DYNC2H1: variants seen among roughly 807,000 people sequenced by gnomAD.
The protein encoded by DYNC2H1 is cytoplasmic dynein 2 heavy chain 1.
DYNC2H1 carries 410 observed loss-of-function variants against 570.0 expected under a neutral mutation model. The ratio of observed to expected loss-of-function variants is 0.72; its 90% CI spans 0.66 to 0.78. The LOEUF is 0.78. Ranked by LOEUF, DYNC2H1 falls within the 30% of genes least tolerant of loss-of-function variation. DYNC2H1 has a pLI of 0.00. For synonymous variants in DYNC2H1, 1,688 were observed against 1,677.6 expected, an observed-to-expected ratio of 1.01 and a Z score of -0.15; for missense variants, 4,865 against 5,046.4, an observed-to-expected ratio of 0.96 and a Z score of 1.09.
At chr11:103,123,784 A>G (rs1331477358) in intron 11 of DYNC2H1, among the ~76,000 whole-genome samples, 1 of 151,248 alleles carries the variant, frequency 6.6e-6, no homozygotes, top group Non-Finnish European at 1.5e-5. Context: ...TGTTCCTTCC[A>G]CACAGCGTTT....
chr11:103,303,355 T>C, intron 76 of DYNC2H1, 102 bp downstream of exon 76: 14 of 1,298,406 alleles, frequency 1.1e-5, no homozygotes, highest in South Asian at 3.3e-5. Context: ...AGCCAAATAA[T>C]GCCCCCAAAA....
chr11:103,357,351 G>T (rs117887499), intron 82 of DYNC2H1, among the ~76,000 whole-genome samples: 2 of 152,074 alleles, frequency 1.3e-5, no homozygotes, highest in African/African-American at 2.4e-5. Flanking sequence ...TGTTTGAATT[G>T]ATTGACCCAT....
intron 82 of DYNC2H1, among the ~76,000 whole-genome samples, chr11:103,333,826 CTT>C (rs1938965341): frequency 6.6e-6 from 1 of 152,058 alleles, no homozygotes; most frequent in African/African-American, 2.4e-5. Flanking sequence ...AGAAAATTAA[CTT>C]TAATGTAGAA....
At chr11:103,202,848 C>T (rs1316480409) in intron 50 of DYNC2H1, among the ~76,000 whole-genome samples, 3 of 152,114 alleles carry the variant, frequency 2.0e-5, no homozygotes, top group Admixed American at 6.5e-5. Context: ...TAGAAGTGAA[C>T]AAGATGTGCT....
chr11:103,219,067 T>G (rs1205343585), intron 55 of DYNC2H1, among the ~76,000 whole-genome samples: 1 of 152,212 alleles, frequency 6.6e-6, no homozygotes, highest in Non-Finnish European at 1.5e-5. Context: ...TTTAAGTGTT[T>G]AATATGTTTT....
At chr11:103,316,503 C>G in intron 79 of DYNC2H1, 42 bp from the exon 80 acceptor site, 2 of 1,356,202 alleles carry the variant, frequency 1.5e-6, no homozygotes, top group Non-Finnish European at 2.0e-6. Context: ...ATATCTTTGA[C>G]TACTGCTTAG....
chr11:103,163,512 A>G lies in DYNC2H1; in HGVS notation c.4611+365A>G, dbSNP rs907430991. Among the ~76,000 whole-genome samples, 4 of 152,220 alleles carry G rather than the reference A, an allele frequency of 2.6e-5. No individual in the cohort carries two copies. The highest frequency in any genetic ancestry group is 2.6e-4 in the Admixed American group (4 of 15,270). The stretch of plus-strand genomic sequence containing the variant: ...TAAGCATTGGAGCTGGCAGGAACTT[A>G]GCAGGTATTAGTGTAAATCTGAAAT... On this transcript the variant is annotated intron_variant, in intron 30 of 88. Coordinates refer to ENST00000375735, the MANE Select transcript of DYNC2H1 (RefSeq NM_001377.3). The surrounding 1 kb of genome is among the most constrained non-coding windows in gnomAD (Gnocchi z 4.6).
intron 87 of DYNC2H1, among the ~76,000 whole-genome samples, chr11:103,459,958 CAAAAAAAAAAG>C (rs1024304948): frequency 5.6e-5 from 4 of 70,858 alleles, no homozygotes; most frequent in South Asian, 5.2e-4. Context: ...GACTCCGTCT[CAAAAAAAAAAG>C]AAAAAAAAAA....
At position 103,244,698 on chromosome 11, in the gene DYNC2H1, A is replaced by G. The variant is rs919056985; in HGVS notation, c.9919-553A>G. On this transcript the variant is annotated intron_variant, in intron 64 of 88. Transcript: ENST00000375735. The surrounding 1 kb of genome is among the most constrained non-coding windows in gnomAD (Gnocchi z 4.3). ...TATATCTATGGTTATAGTTATATAC[A>G]TATATCACTATACTATATATCTTAT... Among the ~76,000 whole-genome samples, 11 of 148,208 alleles carry G rather than the reference A, an allele frequency of 7.4e-5. No homozygotes were observed. The highest frequency in any genetic ancestry group is 2.4e-4 in the African/African-American group (10 of 40,902).
Position 103,133,821 on chromosome 11 carries a change from A to G in DYNC2H1, c.2106+114A>G. The G allele has an allele frequency of 8.8e-7, 1 of 1,137,286 alleles. No homozygotes were observed. The allele number at this position is 1,137,286 out of a possible 1,614,324, so 70.4% of individuals were successfully genotyped here. Reference sequence around the variant, plus strand: ...TAATTTGAGACTTAAAGTTACAAAAATAGTACAGAGAAATCACAATTCCCA... The same window carrying G: ...TAATTTGAGACTTAAAGTTACAAAAGTAGTACAGAGAAATCACAATTCCCA... On this transcript the variant is annotated intron_variant, in intron 14 of 88. Transcript: ENST00000375735. This position sits in a 1 kb window ranked among gnomAD's most constrained non-coding sequence, Gnocchi z 4.8.
Position 103,286,280 on chromosome 11 carries a change from C to G in DYNC2H1, c.10916C>G (p.Thr3639Ser). ...LKIALPSLYQ[T>S]LCFEDAALWR... The stretch of plus-strand genomic sequence containing the variant: ...ATTGCTCTCCCCAGTCTTTATCAGA[C>G]CCTCTGCTTTGAAGATGCAGCTCTG... Residue 3639 changes from threonine (T) to serine (S), a missense_variant, in exon 74 of 89, where the codon ACC becomes AGC. Thr to Ser is a moderately conservative substitution (Grantham distance 58). Coordinates refer to ENST00000375735, the MANE Select transcript of DYNC2H1 (RefSeq NM_001377.3). The G allele has an allele frequency of 6.2e-7, 1 of 1,613,656 alleles. No individual in the cohort carries two copies. The highest frequency in any genetic ancestry group is 8.5e-7 in the Non-Finnish European group (1 of 1,179,764).
intron 53 of DYNC2H1, among the ~76,000 whole-genome samples, chr11:103,210,447 CTTAT>C (rs1290316801): frequency 1.4e-5 from 2 of 146,780 alleles, no homozygotes; most frequent in Admixed American, 6.8e-5. Context: ...AGCTTATTAA[CTTAT>C]TTATTTAACC....
chr11:103,240,889 A>T (rs1443094883), intron 63 of DYNC2H1, among the ~76,000 whole-genome samples: 1 of 151,974 alleles, frequency 6.6e-6, no homozygotes, highest in Non-Finnish European at 1.5e-5. Context: ...GATCAGACAG[A>T]CTCCAGGTTA....
At position 103,186,204 on chromosome 11, in the gene DYNC2H1, G is replaced by T; in HGVS notation, c.6634-38G>T. The T allele has an allele frequency of 6.3e-7, 1 of 1,582,738 alleles. No individual in the cohort carries two copies. The highest frequency in any genetic ancestry group is 8.6e-7 in the Non-Finnish European group (1 of 1,161,854). On this transcript the variant is annotated intron_variant, in intron 41 of 88. Coordinates refer to ENST00000375735, the MANE Select transcript of DYNC2H1 (RefSeq NM_001377.3). This position sits in a 1 kb window ranked among gnomAD's most constrained non-coding sequence, Gnocchi z 4.5. The stretch of plus-strand genomic sequence containing the variant: ...GAATTTTAAAATGTCACACACTCTG[G>T]AGTATGTGAAAACTTATCACAATTT...
intron 59 of DYNC2H1, among the ~76,000 whole-genome samples, chr11:103,231,053 A>G (rs1278666689): frequency 6.6e-6 from 1 of 152,166 alleles, no homozygotes; most frequent in East Asian, 1.9e-4. Context: ...GTTTTTAAAT[A>G]TAAATTCCTA....
rs1330947226 is a variant in DYNC2H1 at position 103,169,761 on chromosome 11, TTA to T, written c.4969-342_4969-341del. Among the ~76,000 whole-genome samples the T allele has an allele frequency of 2.6e-5, 4 of 152,294 alleles. No homozygotes were observed. The East Asian group carries it at 7.7e-4, about 29-fold the overall frequency. On this transcript the variant is annotated intron_variant, in intron 32 of 88. Coordinates refer to ENST00000375735, the MANE Select transcript of DYNC2H1 (RefSeq NM_001377.3). ...ATATCATAAGAGTCAAGGAAATAGT[TTA>T]TATAAATTTTAAAATATGAAATGGG...
At position 103,121,043 on chromosome 11, in the gene DYNC2H1, G is replaced by C; in HGVS notation, c.1360+7G>C. 6.7e-7 allele frequency: 1 copy of C among 1,502,504 alleles called. No individual in the cohort carries two copies. 93.1% of individuals were successfully genotyped at this position (1,502,504 alleles called of 1,614,324 possible). Reference sequence around the variant, plus strand: ...CTTGTGGACTCAATTAAAGGTAAAAGTTTATGAGATTATAGTGTTTGCTTG... The same window carrying C: ...CTTGTGGACTCAATTAAAGGTAAAACTTTATGAGATTATAGTGTTTGCTTG... On this transcript the variant is annotated splice_region_variant and intron_variant, in intron 9 of 88. Coordinates refer to ENST00000375735, the MANE Select transcript of DYNC2H1 (RefSeq NM_001377.3).
At chr11:103,284,608 G>A (rs1301424204) in intron 73 of DYNC2H1, among the ~76,000 whole-genome samples, 1 of 152,040 alleles carries the variant, frequency 6.6e-6, no homozygotes, top group African/African-American at 2.4e-5. Context: ...CCACCATCAA[G>A]CATTACTTTA....
chr11:103,178,898 G>T (rs557098890), intron 38 of DYNC2H1, 128 bp from the exon 39 acceptor site: 95 of 862,818 alleles, frequency 1.1e-4, no homozygotes, highest in Non-Finnish European at 1.6e-4. Flanking sequence ...CCAGGATTGC[G>T]CATGGGTTCT....
Sources: gnomAD v4.1 joint callset for allele counts (sites outside exome capture counted in the v4.1 genomes callset) on GRCh38, gnomAD v4.1.1 for gene constraint, Gnocchi (gnomAD v3.1) non-coding constraint, MANE v1.5 for transcripts, NCBI Gene and HGNC (gene_info 2026-07-23, HGNC 2026-07-21) for gene names.